The following DENND1A variants were observed in gnomAD, a reference collection of about 807,000 sequenced individuals.
DENND1A encodes the protein DENN domain-containing protein 1A.
In DENND1A, 51 loss-of-function variants were observed where a neutral mutation model predicts 113.7. The observed-to-expected ratio is 0.45, with a 90% CI of 0.36 to 0.57. The LOEUF is 0.57. Among genes scored for constraint, DENND1A ranks in the 20% least tolerant of loss-of-function variants. The probability of loss-of-function intolerance (pLI) is 0.00; values close to 1 mark genes in which losing one functional copy is unlikely to be tolerated. For synonymous variants in DENND1A, 565 were observed against 570.8 expected (o/e 0.99, Z 0.14); for missense variants, 1,258 against 1,395.9 (o/e 0.90, Z 1.57).
intron 8 of DENND1A, 23 bp downstream of exon 8, chr9:123,667,003 T>G (rs749398389): frequency 6.4e-7 from 1 of 1,572,002 alleles, no homozygotes; most frequent in Non-Finnish European, 8.6e-7. Context: ...AAATTTAATT[T>G]TTTCTTCTTC....
At chr9:123,407,734 A>G (rs2043991215) in intron 20 of DENND1A, among the ~76,000 whole-genome samples, 2 of 152,118 alleles carry the variant, frequency 1.3e-5, no homozygotes, top group Non-Finnish European at 2.9e-5. Flanking sequence ...TTCAAGGGGG[A>G]CTGGAGGGGA....
rs1256277936 is a variant in DENND1A, at chr9:123,440,429, G to A, written c.1419C>T (p.Ser473=). The part of the protein sequence containing the change: ...PEEQLPKTAP[S]PLVEAKDPKL... ...TGGGGTCCTTGGCCTCCACCAGTGG[G>A]GACGGTGCAGTCTTTGGCAGCTGCT... The change falls in exon 19 of 24, where the codon TCC becomes TCT. Residue 473 remains serine, a synonymous_variant. Transcript: ENST00000394215. The A allele has an allele frequency of 1.3e-6, 2 of 1,583,372 alleles. No individual in the cohort carries two copies. Among genetic ancestry groups the A allele is most frequent in the Non-Finnish European group, 1.7e-6 (2 of 1,170,248 alleles).
chr9:123,630,513 C>A, intron 9 of DENND1A, 37 bp from the exon 10 acceptor site: 1 of 1,407,446 alleles, frequency 7.1e-7, no homozygotes, highest in Non-Finnish European at 9.6e-7. Flanking sequence ...TGAACAAATC[C>A]AAGGGAGGAG....
chr9:123,706,642 GCGC>G (rs2066222600), intron 5 of DENND1A, among the ~76,000 whole-genome samples: 1 of 151,066 alleles, frequency 6.6e-6, no homozygotes, highest in Admixed American at 6.6e-5. Flanking sequence ...GTGGTGGCGG[GCGC>G]CTGTCGTCCC....
intron 1 of DENND1A, among the ~76,000 whole-genome samples, chr9:123,921,427 G>A (rs757378325): frequency 3.3e-5 from 5 of 152,106 alleles, no homozygotes; most frequent in Non-Finnish European, 4.4e-5. Context: ...CTCACACCCC[G>A]GAGTTCAAGA....
chr9:123,387,906 C>T, intron 21 of DENND1A, 48 bp from the exon 22 acceptor site: 1 of 1,275,222 alleles, frequency 7.8e-7, no homozygotes, highest in Non-Finnish European at 1.0e-6. Flanking sequence ...GTTAGGGGCG[C>T]CCTCAGAACT....
intron 1 of DENND1A, among the ~76,000 whole-genome samples, chr9:123,913,890 C>T (rs1854555605): frequency 6.9e-6 from 1 of 144,530 alleles, no homozygotes; most frequent in Non-Finnish European, 1.5e-5. Flanking sequence ...GGGCTCGAAA[C>T]TCCTATCTCA....
chr9:123,631,198 A>G (rs1312669560), intron 9 of DENND1A, among the ~76,000 whole-genome samples: 1 of 152,196 alleles, frequency 6.6e-6, no homozygotes, highest in African/African-American at 2.4e-5. Flanking sequence ...CCCCAGCCAT[A>G]CACCACGATT....
At chr9:123,883,868 CAAA>C (rs75076282) in intron 1 of DENND1A, among the ~76,000 whole-genome samples, 4,884 of 93,952 alleles carry the variant, frequency 0.052, 261 homozygotes, top group African/African-American at 0.14. Context: ...ATGACAGTCT[CAAA>C]AAAAAAAAAA....
chr9:123,530,515 T>C (rs781302564), intron 13 of DENND1A, among the ~76,000 whole-genome samples: 3 of 152,140 alleles, frequency 2.0e-5, no homozygotes, highest in African/African-American at 7.2e-5. Context: ...CTGAAAGAAA[T>C]ATTAAAAGAT....
At chr9:123,463,648 G>A (rs2048709936) in intron 13 of DENND1A, among the ~76,000 whole-genome samples, 1 of 151,990 alleles carries the variant, frequency 6.6e-6, no homozygotes, top group Non-Finnish European at 1.5e-5. Flanking sequence ...AGTGGTTCAC[G>A]CCTGTAATCC....
chr9:123,658,739 C>T (rs2063089241), intron 8 of DENND1A, among the ~76,000 whole-genome samples: 1 of 152,300 alleles, frequency 6.6e-6, no homozygotes, highest in African/African-American at 2.4e-5. Context: ...TCAATAAATA[C>T]ATATTGGGCA....
intron 13 of DENND1A, among the ~76,000 whole-genome samples, chr9:123,544,408 A>G (rs538520670): frequency 1.7e-4 from 26 of 152,364 alleles, no homozygotes; most frequent in African/African-American, 5.0e-4. Context: ...ATTTGTCAAG[A>G]AACACTTGTA....
chr9:123,860,387 T>C (rs182623243), intron 2 of DENND1A, among the ~76,000 whole-genome samples: 1 of 152,344 alleles, frequency 6.6e-6, no homozygotes, highest in African/African-American at 2.4e-5. Context: ...ATCTGAATGA[T>C]TCCCAGTAAT....
intron 11 of DENND1A, among the ~76,000 whole-genome samples, chr9:123,599,734 C>A (rs771832182): frequency 2.0e-5 from 3 of 152,202 alleles, no homozygotes; most frequent in Non-Finnish European, 2.9e-5. Context: ...CACGAACAAA[C>A]AGAACAAGAA....
At chr9:123,494,757 A>G (rs1317019707) in intron 13 of DENND1A, among the ~76,000 whole-genome samples, 1 of 151,478 alleles carries the variant, frequency 6.6e-6, no homozygotes, top group African/African-American at 2.4e-5. Flanking sequence ...TGCCTCACTT[A>G]TTACCTCTTC....
chr9:123,471,548 A>T (rs759287442), intron 13 of DENND1A, among the ~76,000 whole-genome samples: 1 of 152,212 alleles, frequency 6.6e-6, no homozygotes, highest in Non-Finnish European at 1.5e-5. Context: ...CGAGACCGCA[A>T]CGTACAGCAA....
chr9:123,408,585 C>T (rs1385614232), intron 20 of DENND1A, among the ~76,000 whole-genome samples: 1 of 152,202 alleles, frequency 6.6e-6, no homozygotes, highest in East Asian at 1.9e-4. Flanking sequence ...CAGGGCAGGC[C>T]TCTCTGACTT....
rs182994089 is a variant in DENND1A, at chr9:123,894,278, T to G, written c.18-15257A>C. ...TCCAGAAGTAAACAACGTTCAGAAC[T>G]GTGATATACTCAAATGTGTGCTCTA... On this transcript the variant is annotated intron_variant, in intron 1 of 23. Transcript: ENST00000394215. 8.3e-4 allele frequency among the ~76,000 whole-genome samples: 126 copies of G among 152,364 alleles called. 1 individual carries two copies. Among genetic ancestry groups the G allele is most frequent in the African/African-American group, 2.8e-3 (116 of 41,592 alleles).
Sources: gnomAD v4.1 joint callset for allele counts (sites outside exome capture counted in the v4.1 genomes callset) on GRCh38, gnomAD v4.1.1 for gene constraint, MANE v1.5 for transcripts, NCBI Gene and HGNC (gene_info 2026-07-23, HGNC 2026-07-21) for gene names.